FOXP1: variants seen among roughly 807,000 people sequenced by gnomAD.
FOXP1 encodes the protein forkhead box protein P1.
A neutral mutation model predicts 98.2 loss-of-function variants in FOXP1; 15 were observed. The ratio of observed to expected loss-of-function variants is 0.15; its 90% CI spans 0.10 to 0.24. The LOEUF (loss-of-function observed/expected upper bound fraction) is 0.24. Ranked by LOEUF, FOXP1 falls within the 10% of genes least tolerant of loss-of-function variation. The pLI is 1.00. For synonymous variants in FOXP1, 371 were observed against 314.5 expected, an observed-to-expected ratio of 1.18 and a Z score of -1.90; for missense variants, 633 against 848.5, an observed-to-expected ratio of 0.75 and a Z score of 3.15.
Position 71,053,571 on chromosome 3 carries a change from A to G in FOXP1, c.420+65T>C, listed in dbSNP as rs2050201716. 1.3e-5 allele frequency: 21 copies of G among 1,602,832 alleles called. No individual in the cohort carries two copies. In the South Asian group the frequency reaches 2.3e-4, roughly 18 times the overall value. The stretch of plus-strand genomic sequence containing the variant: ...CTGCTCTGGTGGAGGGGAGATTGCG[A>G]ATGGAGTGATGGGGGCCCCTGGGTT... On this transcript the variant is annotated intron_variant, in intron 8 of 20. Coordinates refer to ENST00000649528, the MANE Select transcript of FOXP1 (RefSeq NM_001349338.3).
chr3:71,522,037 T>C (rs2043032222), intron 2 of FOXP1, among the ~76,000 whole-genome samples: 1 of 151,684 alleles, frequency 6.6e-6, no homozygotes, highest in African/African-American at 2.4e-5. Context: ...TGCCAGTTAC[T>C]ATTACAAAGG....
chr3:71,367,999 T>C (rs551213087), intron 3 of FOXP1, among the ~76,000 whole-genome samples: 3 of 152,318 alleles, frequency 2.0e-5, no homozygotes, highest in African/African-American at 4.8e-5. Context: ...CCACTTAGGG[T>C]TGAATATTTC....
chr3:71,499,785 T>C (rs540514610), intron 2 of FOXP1, among the ~76,000 whole-genome samples: 6 of 152,308 alleles, frequency 3.9e-5, no homozygotes, highest in African/African-American at 1.4e-4. Context: ...CCAACTCCTG[T>C]GAATAACTTT....
intron 2 of FOXP1, among the ~76,000 whole-genome samples, chr3:71,500,642 T>C (rs2041267785): frequency 6.6e-6 from 1 of 152,110 alleles, no homozygotes; most frequent in Non-Finnish European, 1.5e-5. Context: ...ATGTCCCCTC[T>C]CTCCTTTTCC....
intron 5 of FOXP1, among the ~76,000 whole-genome samples, chr3:71,251,693 C>G (rs970201713): frequency 6.6e-6 from 1 of 152,158 alleles, no homozygotes; most frequent in African/African-American, 2.4e-5. Context: ...TGATGATGAA[C>G]AAAGTCAACA....
chr3:71,406,055 T>C (rs1204027576), intron 3 of FOXP1, among the ~76,000 whole-genome samples: 1 of 152,102 alleles, frequency 6.6e-6, no homozygotes, highest in Non-Finnish European at 1.5e-5. Flanking sequence ...TTAAAGCTTT[T>C]CACTCCAACA....
At chr3:70,989,414 T>C (rs1340791717) in intron 13 of FOXP1, among the ~76,000 whole-genome samples, 1 of 152,028 alleles carries the variant, frequency 6.6e-6, no homozygotes, top group Admixed American at 6.6e-5. Flanking sequence ...GAAATGAAAA[T>C]GATACCATAT....
intron 3 of FOXP1, among the ~76,000 whole-genome samples, chr3:71,446,967 A>C (rs2108483932): frequency 6.6e-6 from 1 of 152,374 alleles, no homozygotes; most frequent in East Asian, 1.9e-4. Context: ...TGGATGAAGC[A>C]GGCAGGGACT....
intron 19 of FOXP1, among the ~76,000 whole-genome samples, chr3:70,967,694 T>TTTTG (rs1553657877): frequency 3.6e-5 from 4 of 109,682 alleles, no homozygotes; most frequent in East Asian, 2.6e-4. Context: ...TTTGTTTTTT[T>TTTTG]TTTTTGTTTT....
At chr3:71,031,044 T>C (rs879343476) in intron 11 of FOXP1, among the ~76,000 whole-genome samples, 3 of 152,226 alleles carry the variant, frequency 2.0e-5, no homozygotes, top group Non-Finnish European at 2.9e-5. Flanking sequence ...TTTGGATGTA[T>C]GACCCAGAAT....
chr3:71,193,467 T>A (rs9861458), intron 6 of FOXP1, among the ~76,000 whole-genome samples: 1 of 81,314 alleles, frequency 1.2e-5, no homozygotes, highest in African/African-American at 7.2e-5. Flanking sequence ...TTTTTTTTTT[T>A]AGACATATTC....
chr3:71,430,324 G>A (rs2084588600), intron 3 of FOXP1, among the ~76,000 whole-genome samples: 1 of 152,168 alleles, frequency 6.6e-6, no homozygotes, highest in Non-Finnish European at 1.5e-5. Context: ...CAAATCTGGT[G>A]CAGTATTGCA....
intron 4 of FOXP1, among the ~76,000 whole-genome samples, chr3:71,357,998 C>T (rs1461135977): frequency 1.3e-5 from 2 of 151,964 alleles, no homozygotes; most frequent in African/African-American, 4.8e-5. Context: ...CTGATTAACC[C>T]TCTATTCCCA....
At chr3:71,254,868 G>T (rs2068502042) in intron 5 of FOXP1, among the ~76,000 whole-genome samples, 1 of 152,164 alleles carries the variant, frequency 6.6e-6, no homozygotes, top group Non-Finnish European at 1.5e-5. Flanking sequence ...AAGCATTTCA[G>T]TTATGAGCTT....
chr3:70,964,939 G>A (rs538381443), intron 20 of FOXP1, among the ~76,000 whole-genome samples: 2 of 152,030 alleles, frequency 1.3e-5, no homozygotes, highest in African/African-American at 2.4e-5. Context: ...TTTCCATTCC[G>A]ATCACTTAAA....
chr3:71,223,738 G>A (rs1196342858), intron 5 of FOXP1, among the ~76,000 whole-genome samples: 2 of 150,974 alleles, frequency 1.3e-5, no homozygotes, highest in Non-Finnish European at 2.9e-5. Context: ...TAAAGTACTC[G>A]AGATGCATTT....
At chr3:71,521,707 G>C (rs1470633037) in intron 2 of FOXP1, among the ~76,000 whole-genome samples, 1 of 152,178 alleles carries the variant, frequency 6.6e-6, no homozygotes, top group Non-Finnish European at 1.5e-5. Flanking sequence ...TCAAGATTAA[G>C]CATTTGTTAA....
chr3:71,047,244 A>G (rs2106981836), intron 9 of FOXP1, 149 bp from the exon 10 acceptor site: 1 of 873,020 alleles, frequency 1.1e-6, no homozygotes, highest in African/African-American at 1.7e-5. Flanking sequence ...TAAAAGGGAC[A>G]AAGCATACCT....
chr3:71,129,547 T>A (rs534193485), intron 6 of FOXP1, among the ~76,000 whole-genome samples: 14 of 152,270 alleles, frequency 9.2e-5, no homozygotes, highest in African/African-American at 2.9e-4. Context: ...CAAAAGAGCT[T>A]ATTTTCCATT....
Sources: allele counts gnomAD v4.1 joint callset (sites outside exome capture counted in the v4.1 genomes callset), GRCh38; gene constraint gnomAD v4.1.1; transcripts MANE v1.5; gene names NCBI Gene and HGNC (gene_info 2026-07-23, HGNC 2026-07-21).